The following GANAB variants were observed in gnomAD, a reference collection of about 807,000 sequenced individuals.
GANAB encodes neutral alpha-glucosidase AB.
GANAB carries 35 observed loss-of-function variants against 129.9 expected under a neutral mutation model. The ratio of observed to expected loss-of-function variants is 0.27; its 90% CI spans 0.21 to 0.36. The LOEUF (loss-of-function observed/expected upper bound fraction) is 0.36. GANAB is among the 10% of genes least tolerant of loss of function. The pLI is 1.00. For synonymous variants in GANAB, 482 were observed against 451.8 expected (o/e 1.07, Z -0.85); for missense variants, 939 against 1,221.0 (o/e 0.77, Z 3.44).
At chr11:62,631,297 T>G (rs1943667335) in intron 9 of GANAB, 114 bp from the exon 10 acceptor site, 1 of 920,996 alleles carries the variant, frequency 1.1e-6, no homozygotes, top group Non-Finnish European at 1.6e-6. Context: ...TCATGTAAGC[T>G]GCTTTCGGTA....
At chr11:62,626,283 C>A (rs1382073468) in intron 22 of GANAB, 52 bp downstream of exon 22, 15 of 1,385,986 alleles carry the variant, frequency 1.1e-5, no homozygotes, top group Non-Finnish European at 1.5e-5. Flanking sequence ...GGAGCCCCCA[C>A]AAGGATCAGG....
At chr11:62,634,774 A>G (rs1339156265) in intron 5 of GANAB, 47 bp downstream of exon 5, 4 of 1,487,306 alleles carry the variant, frequency 2.7e-6, no homozygotes, top group South Asian at 1.2e-5. Context: ...CAACACCCCT[A>G]TGCTCTTTCA....
intron 1 of GANAB, among the ~76,000 whole-genome samples, chr11:62,640,326 G>A (rs1218815578): frequency 6.8e-6 from 1 of 146,732 alleles, no homozygotes; most frequent in African/African-American, 2.5e-5. Context: ...GAGGTCAGGA[G>A]ATCGAGACCA....
chr11:62,636,334 C>T (rs750695752), intron 4 of GANAB, among the ~76,000 whole-genome samples: 12 of 151,958 alleles, frequency 7.9e-5, no homozygotes, highest in Non-Finnish European at 1.8e-4. Flanking sequence ...GGCTCGGTGG[C>T]CCACTATTGT....
At chr11:62,632,522 G>A in intron 9 of GANAB, 43 bp downstream of exon 9, 2 of 1,522,926 alleles carry the variant, frequency 1.3e-6, no homozygotes, top group Admixed American at 1.7e-5. Context: ...CTCAAGGCCT[G>A]GAAGCTTCAC....
At chr11:62,626,729 C>G (rs756230386) in intron 20 of GANAB, 45 bp from the exon 21 acceptor site, 2 of 1,406,310 alleles carry the variant, frequency 1.4e-6, no homozygotes, top group Admixed American at 3.8e-5. Flanking sequence ...CCTTGTCCAA[C>G]CTTGGGCCCC....
Position 62,631,068 on chromosome 11 carries a change from G to C in GANAB, c.1112C>G (p.Ser371Cys). 6.2e-7 allele frequency: 1 copy of C among 1,610,784 alleles called. No homozygotes were observed. Among genetic ancestry groups the C allele is most frequent in the Admixed American group, 1.7e-5 (1 of 59,964 alleles). The change falls in exon 10 of 24, where the codon TCC (serine) becomes TGC (cysteine). Residue 371 changes from serine to cysteine, a missense_variant. Physicochemically the swap from Ser to Cys is moderately radical, Grantham distance 112. Around this residue, in one of 5 missense-constraint regions of GANAB, gnomAD observed 220 missense variants for 295.9 expected, o/e 0.74. Coordinates refer to ENST00000356638, the MANE Select transcript of GANAB (RefSeq NM_198334.3). ...IIDVFLLLGP[S>C]ISDVFRQYAS... ...ATATTGCCGGAAAACATCAGAGATG[G>C]AGGGCCCCAGCAGCAGGAAGACGTC...
intron 4 of GANAB, among the ~76,000 whole-genome samples, chr11:62,636,969 T>TA (rs2134515337): frequency 6.6e-6 from 1 of 152,026 alleles, no homozygotes; most frequent in East Asian, 1.9e-4. Context: ...TTGGGGTAGA[T>TA]AAAGACTAAA....
At chr11:62,633,423 C>A (rs1943785507) in intron 6 of GANAB, 22 bp downstream of exon 6, 2 of 1,612,384 alleles carry the variant, frequency 1.2e-6, no homozygotes, top group East Asian at 2.2e-5. Context: ...TATCCTCCAA[C>A]CACCCACCCG....
At chr11:62,637,050 T>TCTTTTTATC (rs1401575895) in intron 4 of GANAB, among the ~76,000 whole-genome samples, 1 of 151,982 alleles carries the variant, frequency 6.6e-6, no homozygotes. Flanking sequence ...ATTAGGAATT[T>TCTTTTTATC]CTGTTTATCA....
rs751022869 is a variant in GANAB at position 62,646,577 on chromosome 11, G to A, written c.23C>T (p.Ala8Val). The change falls in exon 1 of 24, where the codon GCG becomes GTG. Residue 8 changes from alanine to valine, a missense_variant. Physicochemically the swap from Ala to Val is moderately conservative, Grantham distance 64 (BLOSUM62 0). Around this residue, in one of 5 missense-constraint regions of GANAB, gnomAD observed 321 missense variants for 329.1 expected, o/e 0.98. Coordinates refer to ENST00000356638, the MANE Select transcript of GANAB (RefSeq NM_198334.3). MAAVAAV[A>V]ARRRRSWASL... Reference sequence around the variant, plus strand: ...GGCTCCTCACCGCCTCCTACGCGCCGCCACTGCCGCTACCGCCGCCATCTT... The same window carrying A: ...GGCTCCTCACCGCCTCCTACGCGCCACCACTGCCGCTACCGCCGCCATCTT... The A allele has an allele frequency of 1.1e-5, 18 of 1,613,512 alleles. No homozygotes were observed. The Admixed American group carries it at 2.2e-4, about 19-fold the overall frequency.
Position 62,645,527 on chromosome 11 carries a change from C to G in GANAB, c.38+1035G>C, listed in dbSNP as rs1590831245. The stretch of plus-strand genomic sequence containing the variant: ...CTCCAGCCTGGGCAACAGAGCGAGA[C>G]TCTGTCTCTCAAAAAAAAAAAAAAA... On this transcript the variant is annotated intron_variant, in intron 1 of 23. Transcript: ENST00000356638. 5.4e-5 allele frequency among the ~76,000 whole-genome samples: 5 copies of G among 92,586 alleles called. No individual in the cohort carries two copies. The South Asian group carries it at 2.4e-3, about 44-fold the overall frequency. 60.7% of individuals were successfully genotyped at this position (92,586 alleles called of 152,430 possible).
Position 62,630,247 on chromosome 11 carries a change from G to A in GANAB, c.1543C>T (p.Pro515Ser). Residue 515 changes from proline to serine, a missense_variant, in exon 13 of 24, where the codon CCC (proline) becomes TCC (serine). This residue lies in a region of GANAB where 220 missense variants were observed against 295.9 expected (regional missense o/e 0.74). Coordinates refer to ENST00000356638, the MANE Select transcript of GANAB (RefSeq NM_198334.3). ...TTAGCCCACCAGGCCCTCATCGTGG[G>A]ATTAGTGAAGTCAGGGTAACCAGCT... is the stretch of plus-strand genomic sequence containing the variant. ...GSAGYPDFTN[P>S]TMRAWWANMF... is the part of the protein sequence containing the mutation. 1 of 1,613,724 alleles carries A rather than the reference G, an allele frequency of 6.2e-7. No homozygotes were observed. The highest frequency in any genetic ancestry group is 8.5e-7 in the Non-Finnish European group (1 of 1,179,748).
Position 62,625,052 on chromosome 11 carries a change from C to T in GANAB, c.*763G>A. 2.9e-6 allele frequency: 1 copy of T among 349,272 alleles called. No individual in the cohort carries two copies. The highest frequency in any genetic ancestry group is 5.5e-6 in the Non-Finnish European group (1 of 181,468). The allele number at this position is 349,272 out of a possible 1,614,324, so 21.6% of individuals were successfully genotyped here. A position where few individuals can be genotyped will look rare whatever the true frequency, so the allele number is the denominator to read the frequency against. On this transcript the variant is annotated 3_prime_UTR_variant, in exon 24 of 24. Transcript: ENST00000356638. Reference sequence around the variant, plus strand: ...TACAGGTGACCATGATTCACTGAAACCACAACTGATTTCTCCATCTTAAGT... The same window carrying T: ...TACAGGTGACCATGATTCACTGAAATCACAACTGATTTCTCCATCTTAAGT...
At position 62,633,233 on chromosome 11, in the gene GANAB, T is replaced by A; in HGVS notation, c.669A>T (p.Pro223=). 1 of 1,614,190 alleles carries A rather than the reference T, an allele frequency of 6.2e-7. No homozygotes were observed. The highest frequency in any genetic ancestry group is 8.5e-7 in the Non-Finnish European group (1 of 1,180,018). ...TTTTGAATGTCTCCTCCCAGGCTCCTGGCTCATCTTTCTCTGCCTTCCCCT... is the reference window on the plus strand; with the variant it reads ...TTTTGAATGTCTCCTCCCAGGCTCCAGGCTCATCTTTCTCTGCCTTCCCCT... ...ETQGKAEKDE[P]GAWEETFKTH... The change falls in exon 7 of 24, where the codon CCA becomes CCT. Residue 223 remains proline, a synonymous_variant. Coordinates refer to ENST00000356638, the MANE Select transcript of GANAB (RefSeq NM_198334.3).
At chr11:62,629,111 T>C (rs1162292341) in intron 16 of GANAB, 83 bp downstream of exon 16, 1 of 1,547,504 alleles carries the variant, frequency 6.5e-7, no homozygotes, top group East Asian at 2.3e-5. Context: ...CTCAACTCTC[T>C]TTGCTTACAA....
At chr11:62,631,688 CTT>C (rs1441588339) in intron 9 of GANAB, among the ~76,000 whole-genome samples, 2 of 152,056 alleles carry the variant, frequency 1.3e-5, no homozygotes, top group Non-Finnish European at 2.9e-5. Context: ...GTCTCGATCT[CTT>C]GACCTTGTGA....
rs756451391 is a variant in GANAB, at chr11:62,625,934, G to A, written c.2726-10C>T. On this transcript the variant is annotated splice_polypyrimidine_tract_variant and intron_variant, in intron 23 of 23. Transcript: ENST00000356638. Reference sequence around the variant, plus strand: ...CGGCTTTCTGGAGATCCTGGAGGAGGAATAAAAGAGTGCCATAGTCATACC... The same window carrying A: ...CGGCTTTCTGGAGATCCTGGAGGAGAAATAAAAGAGTGCCATAGTCATACC... 6 of 1,575,496 alleles carry A rather than the reference G, an allele frequency of 3.8e-6. No individual in the cohort carries two copies. The South Asian group carries it at 5.5e-5, about 15-fold the overall frequency.
rs781121444 is a variant in GANAB, at chr11:62,630,272, T to C, written c.1518A>G (p.Ser506=). 1.9e-6 allele frequency: 3 copies of C among 1,613,606 alleles called. No individual in the cohort carries two copies. Among genetic ancestry groups the C allele is most frequent in the Non-Finnish European group, 2.5e-6 (3 of 1,179,714 alleles). ...GATTAGTGAAGTCAGGGTAACCAGC[T>C]GAGCCTGGGAGAAGTTAAGGGTGGC... ...SDYEGWCWPG[S]AGYPDFTNPT... Residue 506 remains serine, a synonymous_variant, in exon 13 of 24, where the codon TCA becomes TCG. Transcript: ENST00000356638.
Sources: gnomAD v4.1 joint callset for allele counts (sites outside exome capture counted in the v4.1 genomes callset) on GRCh38, gnomAD v4.1.1 for gene constraint, gnomAD v4.1.1 regional missense constraint, MANE v1.5 for transcripts, NCBI Gene and HGNC (gene_info 2026-07-23, HGNC 2026-07-21) for gene names.